Variants in CDH8 observed in about 807,000 individuals in gnomAD.
The protein encoded by CDH8 is cadherin 8, also known as cadherin-8.
Under a neutral mutation model 68.1 loss-of-function variants are expected in CDH8, and 17 were observed. The observed-to-expected ratio is 0.25, with a 90% CI of 0.17 to 0.37. CDH8 has a LOEUF of 0.37. Among genes scored for constraint, CDH8 ranks in the 10% least tolerant of loss-of-function variants. The pLI is 1.00. For missense variants in CDH8, 763 were observed against 999.3 expected, an observed-to-expected ratio of 0.76 and a Z score of 3.19; for synonymous variants, 372 against 365.1, an observed-to-expected ratio of 1.02 and a Z score of -0.21.
intron 10 of CDH8, among the ~76,000 whole-genome samples, chr16:61,668,668 G>A (rs1416486798): frequency 1.6e-4 from 23 of 139,680 alleles, no homozygotes; most frequent in Non-Finnish European, 2.4e-4. Flanking sequence ...AACCACTTAG[G>A]AAAAAAAAAA....
At chr16:61,702,237 C>T (rs1009265593) in intron 10 of CDH8, among the ~76,000 whole-genome samples, 4 of 152,104 alleles carry the variant, frequency 2.6e-5, no homozygotes, top group Non-Finnish European at 4.4e-5. Flanking sequence ...CCGGGAGTGG[C>T]GGCGGGTGCC....
At chr16:61,954,252 T>C (rs1964947208) in intron 2 of CDH8, among the ~76,000 whole-genome samples, 1 of 152,118 alleles carries the variant, frequency 6.6e-6, no homozygotes, top group Non-Finnish European at 1.5e-5. Flanking sequence ...AAACCCATTA[T>C]ATATGATGTC....
At chr16:61,766,538 A>T (rs1430685304) in intron 8 of CDH8, among the ~76,000 whole-genome samples, 7 of 151,904 alleles carry the variant, frequency 4.6e-5, no homozygotes, top group Non-Finnish European at 7.4e-5. Flanking sequence ...TGGTAGATCT[A>T]CTTTAATTCT....
intron 3 of CDH8, among the ~76,000 whole-genome samples, chr16:61,871,844 A>C (rs954019878): frequency 1.4e-5 from 2 of 144,064 alleles, no homozygotes; most frequent in Admixed American, 6.8e-5. Context: ...AAAAAAAAAA[A>C]AAACCCAGAA....
In CDH8 at chr16:61,810,307, T is replaced by G. The variant is rs1449640984; in HGVS notation, c.1277+7172A>C. The stretch of plus-strand genomic sequence containing the variant: ...AATTCCATCTACAAGTTTTCAGCTT[T>G]TTGCCTCTAATTGCTCCACTGGTTG... On this transcript the variant is annotated intron_variant, in intron 7 of 11. Coordinates refer to ENST00000577390, the MANE Select transcript of CDH8 (RefSeq NM_001796.5). 5.3e-5 allele frequency among the ~76,000 whole-genome samples: 8 copies of G among 152,208 alleles called. No individual in the cohort carries two copies. In the South Asian group the frequency reaches 8.3e-4, roughly 16 times the overall value.
In CDH8 at chr16:61,650,362, G is replaced by A. The variant is rs548404151; in HGVS notation, c.*3246C>T. ...GTTCCCTAGGTGGGAACCTTGAATTGTGAGGTAGGCAGAGGGAGATAACTT... is the reference window on the plus strand; with the variant it reads ...GTTCCCTAGGTGGGAACCTTGAATTATGAGGTAGGCAGAGGGAGATAACTT... On this transcript the variant is annotated 3_prime_UTR_variant, in exon 12 of 12. Transcript: ENST00000577390. 5.9e-5 allele frequency: 9 copies of A among 152,180 alleles called. No individual in the cohort carries two copies. Among genetic ancestry groups the A allele is most frequent in the African/African-American group, 2.2e-4 (9 of 41,530 alleles). The allele number at this position is 152,180 out of a possible 1,614,324, so 9.4% of individuals were successfully genotyped here. A position where few individuals can be genotyped will look rare whatever the true frequency, so the allele number is the denominator to read the frequency against.
chr16:61,849,275 T>G (rs1375426530), intron 4 of CDH8, among the ~76,000 whole-genome samples: 1 of 151,898 alleles, frequency 6.6e-6, no homozygotes, highest in East Asian at 1.9e-4. Flanking sequence ...CCGCCTGTCT[T>G]CTTACTCCAA....
At chr16:61,817,380 A>G (rs1343078921) in intron 7 of CDH8, 99 bp downstream of exon 7, 2 of 1,155,118 alleles carry the variant, frequency 1.7e-6, no homozygotes, top group Admixed American at 3.6e-5. Context: ...ATGTGAGCAT[A>G]GTCCCAAGGA....
At chr16:61,973,220 T>A (rs940592583) in intron 2 of CDH8, among the ~76,000 whole-genome samples, 3 of 152,234 alleles carry the variant, frequency 2.0e-5, no homozygotes, top group Non-Finnish European at 4.4e-5. Flanking sequence ...CCTTCTCAAC[T>A]GAGGATGATG....
intron 10 of CDH8, among the ~76,000 whole-genome samples, chr16:61,709,172 T>C (rs8061580): frequency 0.18 from 27,844 of 151,844 alleles, 2,837 homozygotes; most frequent in African/African-American, 0.28. Context: ...CTTCTGTTGG[T>C]TCCAAAGCAG....
intron 10 of CDH8, among the ~76,000 whole-genome samples, chr16:61,662,591 T>C (rs1049143915): frequency 6.6e-6 from 1 of 151,822 alleles, no homozygotes; most frequent in African/African-American, 2.4e-5. Context: ...TCAGTATCAA[T>C]TGCAATTCTC....
rs1416337960 is a variant in CDH8 at position 61,652,854 on chromosome 16, T to C, written c.*754A>G. Reference sequence around the variant, plus strand: ...CTGTGTGATACAGTTTATCTTTGTGTCCTTGTGGAAGAAGATGAAGAGGAG... The same window carrying C: ...CTGTGTGATACAGTTTATCTTTGTGCCCTTGTGGAAGAAGATGAAGAGGAG... On this transcript the variant is annotated 3_prime_UTR_variant, in exon 12 of 12. Coordinates refer to ENST00000577390, the MANE Select transcript of CDH8 (RefSeq NM_001796.5). 2 of 1,523,462 alleles carry C rather than the reference T, an allele frequency of 1.3e-6. No homozygotes were observed. The highest frequency in any genetic ancestry group is 2.0e-5 in the Admixed American group (1 of 49,454). The allele number at this position is 1,523,462 out of a possible 1,614,324, so 94.4% of individuals were successfully genotyped here. A position where few individuals can be genotyped will look rare whatever the true frequency, so the allele number is the denominator to read the frequency against.
At chr16:61,953,608 C>A (rs908937265) in intron 2 of CDH8, among the ~76,000 whole-genome samples, 7 of 151,142 alleles carry the variant, frequency 4.6e-5, no homozygotes, top group African/African-American at 7.3e-5. Flanking sequence ...TGGCTCATGC[C>A]TGCAATCCCA....
chr16:61,797,617 G>A (rs1961529366), intron 7 of CDH8, among the ~76,000 whole-genome samples: 1 of 152,076 alleles, frequency 6.6e-6, no homozygotes, highest in Non-Finnish European at 1.5e-5. Context: ...CCCCAAATGA[G>A]AGTATGCAAT....
intron 3 of CDH8, among the ~76,000 whole-genome samples, chr16:61,858,259 A>G (rs996757633): frequency 6.6e-6 from 1 of 152,172 alleles, no homozygotes; most frequent in African/African-American, 2.4e-5. Context: ...ACATTTTCTA[A>G]CAGAGGTTGC....
intron 8 of CDH8, among the ~76,000 whole-genome samples, chr16:61,734,617 A>G (rs1159450561): frequency 6.6e-6 from 1 of 152,008 alleles, no homozygotes; most frequent in Non-Finnish European, 1.5e-5. Context: ...TAGAATCAGC[A>G]GCAATTATCA....
chr16:61,994,906 T>C (rs1965784321), intron 2 of CDH8, among the ~76,000 whole-genome samples: 1 of 152,226 alleles, frequency 6.6e-6, no homozygotes, highest in African/African-American at 2.4e-5. Flanking sequence ...ATATCACCAC[T>C]GCTGTTCATG....
At chr16:61,890,155 G>A (rs916562483) in intron 3 of CDH8, among the ~76,000 whole-genome samples, 2 of 152,114 alleles carry the variant, frequency 1.3e-5, no homozygotes, top group African/African-American at 4.8e-5. Flanking sequence ...TTTAGAAATA[G>A]CAAGAGCCAA....
chr16:61,717,831 A>C (rs1259399588), intron 9 of CDH8, among the ~76,000 whole-genome samples: 2 of 151,546 alleles, frequency 1.3e-5, no homozygotes, highest in East Asian at 3.9e-4. Context: ...TGAATAATAA[A>C]TAAGCGATGG....
Sources: allele counts gnomAD v4.1 joint callset (sites outside exome capture counted in the v4.1 genomes callset), GRCh38; gene constraint gnomAD v4.1.1; transcripts MANE v1.5; gene names NCBI Gene and HGNC (gene_info 2026-07-23, HGNC 2026-07-21).